Variants in TIAM1 observed in about 807,000 individuals in gnomAD.
TIAM1 encodes the protein TIAM Rac1 associated GEF 1.
TIAM1 carries 65 observed loss-of-function variants against 163.5 expected under a neutral mutation model. The ratio of observed to expected loss-of-function variants is 0.40; its 90% CI spans 0.33 to 0.49. The LOEUF is 0.49. TIAM1 is among the 20% of genes least tolerant of loss of function. TIAM1 has a pLI of 0.77. For missense variants in TIAM1, 1,789 were observed against 2,044.7 expected (o/e 0.87, Z 2.41); for synonymous variants, 833 against 810.1 (o/e 1.03, Z -0.48).
intron 16 of TIAM1, among the ~76,000 whole-genome samples, chr21:31,163,900 C>A (rs8130947): frequency 0.086 from 13,149 of 152,222 alleles, 1,900 homozygotes; most frequent in African/African-American, 0.3. Flanking sequence ...GAGAAATATA[C>A]ATATCTCAAC....
chr21:31,456,415 G>A (rs920558523), intron 2 of TIAM1, among the ~76,000 whole-genome samples: 77 of 152,332 alleles, frequency 5.1e-4, no homozygotes, highest in African/African-American at 1.6e-3. Flanking sequence ...GAGCTTCCTC[G>A]AGCTCCTGTT....
At chr21:31,273,246 CTTG>C (rs1314013117) in intron 3 of TIAM1, among the ~76,000 whole-genome samples, 3 of 152,104 alleles carry the variant, frequency 2.0e-5, no homozygotes, top group African/African-American at 7.2e-5. Flanking sequence ...TGGATCAGAC[CTTG>C]TTGTTCCACC....
At chr21:31,535,034 G>A (rs1336596492) in intron 1 of TIAM1, among the ~76,000 whole-genome samples, 1 of 151,932 alleles carries the variant, frequency 6.6e-6, no homozygotes, top group African/African-American at 2.4e-5. Flanking sequence ...AAGCTGCAGT[G>A]AGCCATGACT....
intron 6 of TIAM1, among the ~76,000 whole-genome samples, chr21:31,226,593 A>T (rs1331095094): frequency 6.6e-6 from 1 of 152,192 alleles, no homozygotes; most frequent in African/African-American, 2.4e-5. Context: ...ACACCCACCA[A>T]TGGTGACCTG....
At chr21:31,126,459 C>T (rs2082203564) in intron 26 of TIAM1, among the ~76,000 whole-genome samples, 1 of 151,928 alleles carries the variant, frequency 6.6e-6, no homozygotes, top group Admixed American at 6.6e-5. Flanking sequence ...CCCAGCCACT[C>T]GGGAGGCTGA....
intron 2 of TIAM1, among the ~76,000 whole-genome samples, chr21:31,407,070 A>G (rs144299746): frequency 6.0e-4 from 91 of 152,320 alleles, no homozygotes; most frequent in African/African-American, 1.9e-3. Flanking sequence ...TCTCACTAGG[A>G]GGCAGAGCTC....
chr21:31,274,288 A>C (rs2073193805), intron 3 of TIAM1, among the ~76,000 whole-genome samples: 1 of 152,190 alleles, frequency 6.6e-6, no homozygotes, highest in Non-Finnish European at 1.5e-5. Context: ...GACCCAAGAT[A>C]CAGCACGTAC....
intron 2 of TIAM1, among the ~76,000 whole-genome samples, chr21:31,389,827 T>C (rs1332911549): frequency 1.3e-5 from 2 of 152,208 alleles, no homozygotes; most frequent in Non-Finnish European, 2.9e-5. Flanking sequence ...TATAAATCAA[T>C]TCCTAAAGCA....
chr21:31,388,212 AACACACACACACACAC>A (rs11369323), intron 2 of TIAM1, among the ~76,000 whole-genome samples: 117 of 115,918 alleles, frequency 1.0e-3, no homozygotes, highest in African/African-American at 3.1e-3. Flanking sequence ...AGAAGACCCT[AACACACACACACACAC>A]ACACACACAC....
At chr21:31,375,435 G>A (rs2284502) in intron 2 of TIAM1, among the ~76,000 whole-genome samples, 55,455 of 151,954 alleles carry the variant, frequency 0.36, 10,337 homozygotes, top group Middle Eastern at 0.63. Flanking sequence ...CAAAATACCA[G>A]AATTATCAGA....
At chr21:31,499,728 T>A (rs1037095070) in intron 1 of TIAM1, among the ~76,000 whole-genome samples, 2 of 152,010 alleles carry the variant, frequency 1.3e-5, no homozygotes, top group African/African-American at 4.8e-5. Flanking sequence ...TGTGCCCCTG[T>A]AATCCCACCT....
At chr21:31,363,518 C>G (rs1295124685) in intron 2 of TIAM1, among the ~76,000 whole-genome samples, 1 of 152,086 alleles carries the variant, frequency 6.6e-6, no homozygotes, top group African/African-American at 2.4e-5. Flanking sequence ...CTCCATACCA[C>G]ATATTTGTGC....
chr21:31,158,853 G>T (rs748666787), intron 16 of TIAM1, among the ~76,000 whole-genome samples: 63 of 152,136 alleles, frequency 4.1e-4, no homozygotes, highest in Non-Finnish European at 8.2e-4. Context: ...GCTTAGCCAT[G>T]ATGTGGAATA....
intron 19 of TIAM1, among the ~76,000 whole-genome samples, chr21:31,149,885 C>T (rs774346939): frequency 1.3e-4 from 20 of 152,092 alleles, no homozygotes; most frequent in Non-Finnish European, 2.1e-4. Context: ...TTTTTGAACA[C>T]AAAAATGAAC....
rs767796501 is a variant in TIAM1, at chr21:31,225,859, G to A, written c.1676C>T (p.Thr559Met). Residue 559 changes from threonine (T) to methionine (M), a missense_variant, in exon 7 of 28, where the codon ACG (threonine) becomes ATG (methionine). Physicochemically the swap from Thr to Met is moderately conservative, Grantham distance 81 (BLOSUM62 -1). Around this residue, in one of 5 missense-constraint regions of TIAM1, gnomAD observed 456 missense variants for 586.6 expected, o/e 0.78. Coordinates refer to ENST00000541036, the MANE Select transcript of TIAM1 (RefSeq NM_001353694.2). ...GATCTCTGATTTCAGGAGTCGGAGC[G>A]TGTCTTCCTTGTGGTGGTGCCTCGC... ...AVARHHHKED[T>M]LRLLKSEIKK... 1.2e-6 allele frequency: 2 copies of A among 1,614,138 alleles called. No individual in the cohort carries two copies. The highest frequency in any genetic ancestry group is 1.1e-5 in the South Asian group (1 of 91,084).
intron 27 of TIAM1, among the ~76,000 whole-genome samples, chr21:31,123,591 T>G (rs2082077863): frequency 1.3e-5 from 2 of 152,194 alleles, no homozygotes; most frequent in Admixed American, 1.3e-4. Flanking sequence ...GTTTTGTCTA[T>G]GAAAACCTTC....
intron 2 of TIAM1, among the ~76,000 whole-genome samples, chr21:31,450,724 C>A (rs116012257): frequency 6.6e-6 from 1 of 152,044 alleles, no homozygotes; most frequent in Non-Finnish European, 1.5e-5. Context: ...TGGCAGAAGG[C>A]GAAACGCGTG....
At chr21:31,274,836 C>T (rs1006604711) in intron 3 of TIAM1, among the ~76,000 whole-genome samples, 8 of 152,004 alleles carry the variant, frequency 5.3e-5, no homozygotes, top group Non-Finnish European at 7.4e-5. Context: ...TGGCTGGGGG[C>T]GGTGGCTCAC....
chr21:31,136,323 A>G (rs2082620407), intron 22 of TIAM1, among the ~76,000 whole-genome samples: 1 of 152,188 alleles, frequency 6.6e-6, no homozygotes, highest in Admixed American at 6.5e-5. Flanking sequence ...AAAATGACAG[A>G]CTACATTTTT....
Sources: allele counts gnomAD v4.1 joint callset (sites outside exome capture counted in the v4.1 genomes callset), GRCh38; gene constraint gnomAD v4.1.1; regional missense constraint gnomAD v4.1.1; transcripts MANE v1.5; gene names NCBI Gene and HGNC (gene_info 2026-07-23, HGNC 2026-07-21).